Variants in USP47 observed in about 807,000 individuals in gnomAD.
The protein encoded by USP47 is ubiquitin specific peptidase 47.
USP47 carries 35 observed loss-of-function variants against 165.1 expected under a neutral mutation model. That is an observed-to-expected ratio of 0.21 (90% confidence interval 0.16 to 0.28). The LOEUF is 0.28. Ranked by LOEUF, USP47 falls within the 10% of genes least tolerant of loss-of-function variation. USP47 has a pLI of 1.00. For synonymous variants in USP47, 531 were observed against 544.5 expected (o/e 0.98, Z 0.35); for missense variants, 1,277 against 1,607.4 (o/e 0.79, Z 3.52).
At position 11,948,003 on chromosome 11, in the gene USP47, G is replaced by A; in HGVS notation, c.3150G>A (p.Glu1050=). Residue 1050 remains glutamate (E), a synonymous_variant, in exon 21 of 28, where the codon GAG becomes GAA. Coordinates refer to ENST00000527733, the MANE Select transcript of USP47 (RefSeq NM_001282659.2). ...ITLAAFKQHL[E]PFVGVLSSHF... is the part of the protein sequence containing the mutation. Reference sequence around the variant, plus strand: ...TGGCAGCTTTCAAACAACATTTAGAGCCCTTTGTTGGAGTTTTGTCCTCTC... The same window carrying A: ...TGGCAGCTTTCAAACAACATTTAGAACCCTTTGTTGGAGTTTTGTCCTCTC... 6.2e-7 allele frequency: 1 copy of A among 1,613,664 alleles called. No individual in the cohort carries two copies. The highest frequency in any genetic ancestry group is 8.5e-7 in the Non-Finnish European group (1 of 1,179,832).
intron 1 of USP47, among the ~76,000 whole-genome samples, chr11:11,848,132 A>T (rs1848527096): frequency 6.6e-6 from 1 of 152,246 alleles, no homozygotes; most frequent in South Asian, 2.1e-4. Flanking sequence ...TATCAAAGTT[A>T]TGTTTAATAC....
rs1014209040 is a variant in USP47 at position 11,942,888 on chromosome 11, A to G, written c.2867A>G (p.Asn956Ser). 6 of 1,613,628 alleles carry G rather than the reference A, an allele frequency of 3.7e-6. No individual in the cohort carries two copies. Among genetic ancestry groups the G allele is most frequent in the African/African-American group, 2.7e-5 (2 of 74,892 alleles). ...AGTGATACTTTGTGCAATGCAGACA[A>G]TGCTCAGATCCCTTTGGCTAATGGA... ...HSSDTLCNADNAQIPLANGLD... is the reference protein window; with the variant it reads ...HSSDTLCNADSAQIPLANGLD... The change falls in exon 20 of 28, where the codon AAT becomes AGT. Residue 956 changes from asparagine (N) to serine (S), a missense_variant. This residue lies in a region of USP47 where 909 missense variants were observed against 1,068.1 expected (regional missense o/e 0.85). Coordinates refer to ENST00000527733, the MANE Select transcript of USP47 (RefSeq NM_001282659.2).
At chr11:11,940,057 C>T in intron 18 of USP47, among the ~76,000 whole-genome samples, 1 of 151,904 alleles carries the variant, frequency 6.6e-6, no homozygotes. Context: ...AAAGGCCTGT[C>T]AAAAGCCAAG....
chr11:11,878,288 A>G (rs915328655), intron 1 of USP47, among the ~76,000 whole-genome samples: 1 of 152,138 alleles, frequency 6.6e-6, no homozygotes, highest in Non-Finnish European at 1.5e-5. Flanking sequence ...TCCTTTGACC[A>G]TCAACTCCAG....
intron 8 of USP47, among the ~76,000 whole-genome samples, chr11:11,913,258 CAA>C (rs796881838): frequency 1.2e-3 from 95 of 79,274 alleles, no homozygotes; most frequent in African/African-American, 4.7e-3. Flanking sequence ...ATCCCTTGTA[CAA>C]AAAAAAAAAA....
chr11:11,845,662 A>G (rs1179596465), intron 1 of USP47, among the ~76,000 whole-genome samples: 2 of 152,186 alleles, frequency 1.3e-5, no homozygotes, highest in African/African-American at 4.8e-5. Context: ...TTCAGTAAAT[A>G]TTCGTTGATG....
intron 1 of USP47, among the ~76,000 whole-genome samples, chr11:11,874,301 T>C (rs1305424148): frequency 2.0e-5 from 3 of 152,228 alleles, no homozygotes; most frequent in Non-Finnish European, 2.9e-5. Flanking sequence ...TACTTAATAC[T>C]TGATTTTCCT....
intron 1 of USP47, among the ~76,000 whole-genome samples, chr11:11,879,158 T>G (rs1590286133): frequency 6.6e-6 from 1 of 152,184 alleles, no homozygotes; most frequent in Non-Finnish European, 1.5e-5. Flanking sequence ...GTTAAACTTC[T>G]TAGGAAGCTG....
chr11:11,955,650 A>G (rs1200565937), intron 27 of USP47, among the ~76,000 whole-genome samples: 4 of 152,254 alleles, frequency 2.6e-5, no homozygotes, highest in East Asian at 3.8e-4. Context: ...TGATTTACCT[A>G]GCTCCTCATC....
chr11:11,930,956 G>A lies in USP47; in HGVS notation c.1651+205G>A, dbSNP rs184149789. Reference sequence around the variant, plus strand: ...GTTGTTGAATTATTTTTTAATATATGAAGAGACAAAACTACATTAAATAAA... The same window carrying A: ...GTTGTTGAATTATTTTTTAATATATAAAGAGACAAAACTACATTAAATAAA... On this transcript the variant is annotated intron_variant, in intron 14 of 27. Coordinates refer to ENST00000527733, the MANE Select transcript of USP47 (RefSeq NM_001282659.2). 1.2e-3 allele frequency among the ~76,000 whole-genome samples: 180 copies of A among 152,198 alleles called. 1 individual carries two copies. In the East Asian group the frequency reaches 0.012, roughly 10 times the overall value.
intron 5 of USP47, among the ~76,000 whole-genome samples, chr11:11,900,433 T>TA (rs1852149890): frequency 1.3e-5 from 2 of 152,322 alleles, no homozygotes; most frequent in South Asian, 4.1e-4. Context: ...GTGCTGGGAT[T>TA]ACAGGCGTGA....
At position 11,892,105 on chromosome 11, in the gene USP47, T is replaced by C; in HGVS notation, c.495T>C (p.Thr165=). 2 of 1,611,038 alleles carry C rather than the reference T, an allele frequency of 1.2e-6. No homozygotes were observed. The highest frequency in any genetic ancestry group is 1.7e-6 in the Non-Finnish European group (2 of 1,178,916). ...SYSSILNKSE[T]GYVGLVNQAM... ...CATCTATTTTGAATAAATCAGAAACTGGTAAGATTTGTTGTATTTTCATAA... is the reference window on the plus strand; with the variant it reads ...CATCTATTTTGAATAAATCAGAAACCGGTAAGATTTGTTGTATTTTCATAA... Residue 165 remains threonine, a splice_region_variant and synonymous_variant, in exon 4 of 28, where the codon ACT becomes ACC. Coordinates refer to ENST00000527733, the MANE Select transcript of USP47 (RefSeq NM_001282659.2).
intron 21 of USP47, 27 bp downstream of exon 21, chr11:11,948,147 T>TA: frequency 6.3e-7 from 1 of 1,587,352 alleles, no homozygotes; most frequent in Non-Finnish European, 8.6e-7. Context: ...TTCGAGTAGT[T>TA]AGAGTCTATT....
rs531074313 is a variant in USP47 at position 11,961,187 on chromosome 11, A to T, written c.*5012A>T. ...CACATCCTAAACCCTGTATCCTGTG[A>T]TTATTTACCTGACAGGGCAAAAGAG... On this transcript the variant is annotated 3_prime_UTR_variant, in exon 28 of 28. Coordinates refer to ENST00000527733, the MANE Select transcript of USP47 (RefSeq NM_001282659.2). Among the ~76,000 whole-genome samples, 12 of 152,276 alleles carry T rather than the reference A, an allele frequency of 7.9e-5. No homozygotes were observed. The highest frequency in any genetic ancestry group is 2.9e-4 in the African/African-American group (12 of 41,550).
Position 11,958,448 on chromosome 11 carries a change from C to T in USP47, c.*2273C>T, listed in dbSNP as rs1216214832. ...ATAAAAGCTAATCTGTGTCAGCCTC[C>T]CTCTGCTTCAGAGAGTCAGGTGAGC... is the stretch of plus-strand genomic sequence containing the variant. On this transcript the variant is annotated 3_prime_UTR_variant, in exon 28 of 28. Coordinates refer to ENST00000527733, the MANE Select transcript of USP47 (RefSeq NM_001282659.2). 1 of 152,246 alleles carries T rather than the reference C, an allele frequency of 6.6e-6. No individual in the cohort carries two copies. The highest frequency in any genetic ancestry group is 1.5e-5 in the Non-Finnish European group (1 of 68,050). The allele number at this position is 152,246 out of a possible 1,614,324, so 9.4% of individuals were successfully genotyped here.
chr11:11,944,915 T>G (rs1485441186), intron 20 of USP47, among the ~76,000 whole-genome samples: 3 of 152,228 alleles, frequency 2.0e-5, no homozygotes, highest in Non-Finnish European at 2.9e-5. Context: ...AGGAAAAATT[T>G]GATTCGATGG....
chr11:11,946,169 A>G lies in USP47; in HGVS notation c.3092-1776A>G, dbSNP rs370158451. ...GCCAAAGCTATGCTAAACATTTTAC[A>G]TGTATTGACCCCAGAACATAACTTT... On this transcript the variant is annotated intron_variant, in intron 20 of 27. Transcript: ENST00000527733. Among the ~76,000 whole-genome samples the G allele has an allele frequency of 1.4e-4, 21 of 152,304 alleles. No individual in the cohort carries two copies. In the South Asian group the frequency reaches 2.1e-3, roughly 15 times the overall value.
chr11:11,854,921 G>A (rs1273236707), intron 1 of USP47, among the ~76,000 whole-genome samples: 4 of 133,896 alleles, frequency 3.0e-5, no homozygotes, highest in Non-Finnish European at 6.9e-5. Flanking sequence ...GTGAAACCCC[G>A]TCTCTACCAA....
chr11:11,857,434 G>A (rs1168351055), intron 1 of USP47, among the ~76,000 whole-genome samples: 1 of 151,996 alleles, frequency 6.6e-6, no homozygotes, highest in Non-Finnish European at 1.5e-5. Flanking sequence ...TTTTAAATTC[G>A]TATGTCTTGA....
Sources: allele counts gnomAD v4.1 joint callset (sites outside exome capture counted in the v4.1 genomes callset), GRCh38; gene constraint gnomAD v4.1.1; regional missense constraint gnomAD v4.1.1; transcripts MANE v1.5; gene names NCBI Gene and HGNC (gene_info 2026-07-23, HGNC 2026-07-21).